Variants in DENND5A observed in about 807,000 individuals in gnomAD.
DENND5A encodes DENN domain containing 5A, also known as DENN domain-containing protein 5A.
In DENND5A, 64 loss-of-function variants were observed where a neutral mutation model predicts 140.3. The ratio of observed to expected loss-of-function variants is 0.46; its 90% CI spans 0.37 to 0.56. The LOEUF is 0.56. Ranked by LOEUF, DENND5A falls within the 20% of genes least tolerant of loss-of-function variation. The probability of loss-of-function intolerance (pLI) is 0.00; values close to 1 mark genes in which losing one functional copy is unlikely to be tolerated. For missense variants in DENND5A, 1,292 were observed against 1,593.8 expected (o/e 0.81, Z 3.22); for synonymous variants, 605 against 607.7 (o/e 1.00, Z 0.07).
chr11:9,146,044 CCAAACAT>C (rs1387423669), intron 16 of DENND5A, among the ~76,000 whole-genome samples: 7 of 152,166 alleles, frequency 4.6e-5, no homozygotes, highest in African/African-American at 1.7e-4. Flanking sequence ...GGCTTACCAC[CCAAACAT>C]CAAAGATCCA....
chr11:9,181,273 C>G (rs899057359), intron 5 of DENND5A, among the ~76,000 whole-genome samples, 189 bp from the exon 6 acceptor site: 1 of 152,128 alleles, frequency 6.6e-6, no homozygotes, highest in African/African-American at 2.4e-5. Flanking sequence ...GCCACATTCT[C>G]GTTGTGTGAC....
chr11:9,249,192 C>A (rs1423383179), intron 1 of DENND5A, among the ~76,000 whole-genome samples: 2 of 151,416 alleles, frequency 1.3e-5, no homozygotes, highest in African/African-American at 2.4e-5. Context: ...AGTGCCACCG[C>A]ACTCCAGCCT....
At chr11:9,236,233 A>C (rs72859686) in intron 1 of DENND5A, among the ~76,000 whole-genome samples, 24,506 of 150,840 alleles carry the variant, frequency 0.16, 2,210 homozygotes, top group Non-Finnish European at 0.21. Flanking sequence ...AAAAAAAAAA[A>C]AAAAACAAAT....
In DENND5A at chr11:9,146,285, T is replaced by C. The variant is rs191236062; in HGVS notation, c.2858-470A>G. Among the ~76,000 whole-genome samples, 164 of 152,300 alleles carry C rather than the reference T, an allele frequency of 1.1e-3. No individual in the cohort carries two copies. The East Asian group carries it at 0.028, about 26-fold the overall frequency. ...CTAAATTCCAGTCCAGGGCTACTTC[T>C]ATTAAGCCCACAGCCCTAGTCTCTA... On this transcript the variant is annotated intron_variant, in intron 16 of 22. Coordinates refer to ENST00000328194, the MANE Select transcript of DENND5A (RefSeq NM_015213.4).
In DENND5A at chr11:9,142,869, T is replaced by C. The variant is rs367803375; in HGVS notation, c.3388-24A>G. ...CGCTACGTAAGGAAACAGGGGAGGG[T>C]GCCAGGCTTGTCTCAGCCGAGCTGC... On this transcript the variant is annotated intron_variant, in intron 20 of 22. Transcript: ENST00000328194. 9 of 1,611,578 alleles carry C rather than the reference T, an allele frequency of 5.6e-6. No individual in the cohort carries two copies. The African/African-American group carries it at 1.1e-4, about 19-fold the overall frequency.
At chr11:9,170,254 C>G (rs1345903604) in intron 9 of DENND5A, 1 of 983,340 alleles carries the variant, frequency 1.0e-6, no homozygotes, top group Non-Finnish European at 1.2e-6. Flanking sequence ...TCAAAAGTAA[C>G]TAATGAGTAA....
chr11:9,143,975 C>A lies in DENND5A; in HGVS notation c.3304+122G>T, dbSNP rs372159126. ...CATATGTGTGAGGTGGCTTTGTTAG[C>A]AGAAGTGTTTCCTGAGGCAGCTGCA... On this transcript the variant is annotated intron_variant, in intron 19 of 22. Coordinates refer to ENST00000328194, the MANE Select transcript of DENND5A (RefSeq NM_015213.4). 6 of 1,196,892 alleles carry A rather than the reference C, an allele frequency of 5.0e-6. No homozygotes were observed. The East Asian group carries it at 1.2e-4, about 23-fold the overall frequency. The allele number at this position is 1,196,892 out of a possible 1,614,324, so 74.1% of individuals were successfully genotyped here.
Position 9,141,616 on chromosome 11 carries a change from T to C in DENND5A, c.3680+324A>G, listed in dbSNP as rs531723468. Among the ~76,000 whole-genome samples, 7 of 152,264 alleles carry C rather than the reference T, an allele frequency of 4.6e-5. No individual in the cohort carries two copies. In the South Asian group the frequency reaches 6.2e-4, roughly 14 times the overall value. On this transcript the variant is annotated intron_variant, in intron 22 of 22. Coordinates refer to ENST00000328194, the MANE Select transcript of DENND5A (RefSeq NM_015213.4). ...TGAAGGAATACTGTGCTGAATACCG[T>C]AGGCAACTAAAACACAATGGTAAGT...
chr11:9,181,202 G>C (rs1848719693), intron 5 of DENND5A, 118 bp from the exon 6 acceptor site: 1 of 816,580 alleles, frequency 1.2e-6, no homozygotes, highest in Non-Finnish European at 1.9e-6. Flanking sequence ...CTATATTTGA[G>C]ATATGGTATA....
intron 1 of DENND5A, among the ~76,000 whole-genome samples, chr11:9,221,130 G>C (rs2136235299): frequency 6.6e-6 from 1 of 151,614 alleles, no homozygotes; most frequent in Non-Finnish European, 1.5e-5. Flanking sequence ...ATCAGAATCA[G>C]AGATTAAAAC....
intron 18 of DENND5A, among the ~76,000 whole-genome samples, chr11:9,144,557 G>A (rs1420530059): frequency 2.0e-5 from 3 of 152,120 alleles, no homozygotes; most frequent in African/African-American, 7.2e-5. Flanking sequence ...TTGGGAGGCC[G>A]AGGCGGCCGG....
chr11:9,195,673 T>G (rs905960178), intron 4 of DENND5A, among the ~76,000 whole-genome samples: 1 of 152,142 alleles, frequency 6.6e-6, no homozygotes, highest in Non-Finnish European at 1.5e-5. Context: ...AAGGTAGAAG[T>G]TTAGCAAAAC....
At chr11:9,199,667 C>T (rs1302846938) in intron 4 of DENND5A, among the ~76,000 whole-genome samples, 1 of 152,208 alleles carries the variant, frequency 6.6e-6, no homozygotes, top group Non-Finnish European at 1.5e-5. Context: ...AAGGGTTACA[C>T]TTTCAGAATC....
intron 3 of DENND5A, 111 bp from the exon 4 acceptor site, chr11:9,204,428 T>C: frequency 9.5e-7 from 1 of 1,051,986 alleles, no homozygotes; most frequent in Non-Finnish European, 1.4e-6. Context: ...TGAGCGTGTA[T>C]CTGGCTTAAA....
intron 1 of DENND5A, among the ~76,000 whole-genome samples, chr11:9,210,243 G>A (rs1375689742): frequency 6.6e-6 from 1 of 152,058 alleles, no homozygotes; most frequent in African/African-American, 2.4e-5. Context: ...ACAATATTAG[G>A]AATATGACAT....
chr11:9,184,127 C>A lies in DENND5A; in HGVS notation c.1138-3043G>T, dbSNP rs550699335. ...CAGCACTTTGGGAGGCCGAGGCGGGCGCATCACAAGGTCAGGAGATAGAGA... is the reference window on the plus strand; with the variant it reads ...CAGCACTTTGGGAGGCCGAGGCGGGAGCATCACAAGGTCAGGAGATAGAGA... On this transcript the variant is annotated intron_variant, in intron 5 of 22. Transcript: ENST00000328194. Among the ~76,000 whole-genome samples the A allele has an allele frequency of 1.8e-3, 268 of 151,798 alleles. 2 individuals carry two copies. Among genetic ancestry groups the A allele is most frequent in the Middle Eastern group, 0.017 (5 of 292 alleles).
At chr11:9,253,510 C>T (rs577321711) in intron 1 of DENND5A, among the ~76,000 whole-genome samples, 40 of 152,184 alleles carry the variant, frequency 2.6e-4, no homozygotes, top group African/African-American at 9.1e-4. Flanking sequence ...TGTCTATAAT[C>T]CCAGCACTTT....
intron 1 of DENND5A, among the ~76,000 whole-genome samples, chr11:9,253,402 A>T (rs1415345365): frequency 3.9e-5 from 6 of 152,180 alleles, no homozygotes; most frequent in Non-Finnish European, 4.4e-5. Flanking sequence ...AATATCATTA[A>T]AGTAAAATCC....
In DENND5A at chr11:9,180,944, A is replaced by C; in HGVS notation, c.1278T>G (p.Leu426=). 6.2e-7 allele frequency: 1 copy of C among 1,614,176 alleles called. No individual in the cohort carries two copies. The highest frequency in any genetic ancestry group is 8.5e-7 in the Non-Finnish European group (1 of 1,180,034). Residue 426 remains leucine, a synonymous_variant, in exon 6 of 23, where the codon CTT becomes CTG. Transcript: ENST00000328194. ...GCTTGGAGGCACTCTCACTGCAATGAAGATTCCCTTCAGGGGGAATTCCAA... is the reference window on the plus strand; with the variant it reads ...GCTTGGAGGCACTCTCACTGCAATGCAGATTCCCTTCAGGGGGAATTCCAA... ...MAFGIPPEGN[L]HCSESASKLK...
Sources: allele counts gnomAD v4.1 joint callset (sites outside exome capture counted in the v4.1 genomes callset), GRCh38; gene constraint gnomAD v4.1.1; transcripts MANE v1.5; gene names NCBI Gene and HGNC (gene_info 2026-07-23, HGNC 2026-07-21).